ST6GAL1: variants seen among roughly 807,000 people sequenced by gnomAD.
The protein encoded by ST6GAL1 is beta-galactoside alpha-2,6-sialyltransferase 1.
ST6GAL1 carries 20 observed loss-of-function variants against 38.0 expected under a neutral mutation model. That is an observed-to-expected ratio of 0.53 (90% CI 0.37 to 0.77). The LOEUF (loss-of-function observed/expected upper bound fraction) is 0.77. Among genes scored for constraint, ST6GAL1 ranks in the 30% least tolerant of loss-of-function variants. The pLI is 0.00. For synonymous variants in ST6GAL1, 196 were observed against 188.2 expected (o/e 1.04, Z -0.34); for missense variants, 432 against 496.4 (o/e 0.87, Z 1.23).
In ST6GAL1 at chr3:187,043,180, C is replaced by T; in HGVS notation, c.477C>T (p.Pro159=). 6.2e-7 allele frequency: 1 copy of T among 1,614,208 alleles called. No homozygotes were observed. Among genetic ancestry groups the T allele is most frequent in the Non-Finnish European group, 8.5e-7 (1 of 1,180,040 alleles). The change falls in exon 4 of 8, where the codon CCC becomes CCT. Residue 159 remains proline, a synonymous_variant. Coordinates refer to ENST00000169298, the MANE Select transcript of ST6GAL1 (RefSeq NM_173216.2). ...CCATGGTAGAGGTCACAGATTTTCC[C>T]TTCAATACCTCTGAATGGGAGGGTT... The part of the protein sequence containing the change: ...NVSMVEVTDF[P]FNTSEWEGYL...
rs59688792 is a variant in ST6GAL1 at position 187,037,535 on chromosome 3, A to T, written c.-182-1207A>T. ...TTCCTTTGCTATTTTCCTACATCGC[A>T]TCAAAAGAAGAAAGAGCTGACAGGT... On this transcript the variant is annotated intron_variant, in intron 2 of 7. Coordinates refer to ENST00000169298, the MANE Select transcript of ST6GAL1 (RefSeq NM_173216.2). 9.4e-4 allele frequency among the ~76,000 whole-genome samples: 143 copies of T among 152,208 alleles called. 5 individuals are homozygous for T. In the South Asian group the frequency reaches 0.027, roughly 29 times the overall value.
intron 5 of ST6GAL1, among the ~76,000 whole-genome samples, chr3:187,069,275 C>T (rs1473748268): frequency 6.6e-6 from 1 of 152,170 alleles, no homozygotes; most frequent in African/African-American, 2.4e-5. Context: ...GCTGGGATTA[C>T]AGGTGCTTGC....
rs192397401 is a variant in ST6GAL1, at chr3:186,990,280, C to T, written c.-183+26354C>T. 2.0e-3 allele frequency among the ~76,000 whole-genome samples: 308 copies of T among 152,162 alleles called. 1 individual carries two copies. Among genetic ancestry groups the T allele is most frequent in the Non-Finnish European group, 2.9e-3 (195 of 68,000 alleles). On this transcript the variant is annotated intron_variant, in intron 2 of 7. Transcript: ENST00000169298. ...AACTCCTGACCTCAAGTGATCTGCC[C>T]GCCTTGGCCTCCCAAATTGCTGGGA...
intron 2 of ST6GAL1, among the ~76,000 whole-genome samples, chr3:186,965,939 C>A (rs996813585): frequency 6.6e-6 from 1 of 152,174 alleles, no homozygotes; most frequent in African/African-American, 2.4e-5. Flanking sequence ...CGCTCTGTTG[C>A]GCAGGCTGCA....
intron 2 of ST6GAL1, among the ~76,000 whole-genome samples, chr3:186,997,508 C>T (rs1299721504): frequency 6.6e-6 from 1 of 152,108 alleles, no homozygotes; most frequent in Non-Finnish European, 1.5e-5. Context: ...TGCCTCCCAA[C>T]ATTTTGAGAG....
At chr3:186,980,035 C>A (rs12054295) in intron 2 of ST6GAL1, among the ~76,000 whole-genome samples, 1 of 152,052 alleles carries the variant, frequency 6.6e-6, no homozygotes, top group Non-Finnish European at 1.5e-5. Context: ...ATTCCAGATA[C>A]GTAACTGAGG....
intron 2 of ST6GAL1, among the ~76,000 whole-genome samples, chr3:187,004,857 T>G (rs997137376): frequency 3.9e-5 from 6 of 152,224 alleles, no homozygotes; most frequent in Non-Finnish European, 8.8e-5. Context: ...GAAATCATCT[T>G]TCTTTCTTCT....
intron 2 of ST6GAL1, among the ~76,000 whole-genome samples, chr3:186,997,363 G>A (rs1220747080): frequency 1.3e-5 from 2 of 152,146 alleles, no homozygotes; most frequent in Admixed American, 1.3e-4. Flanking sequence ...AATCAGGGCT[G>A]GAGCCCAGTC....
intron 1 of ST6GAL1, among the ~76,000 whole-genome samples, chr3:186,950,615 C>A (rs1026008179): frequency 2.0e-5 from 3 of 152,196 alleles, no homozygotes; most frequent in Non-Finnish European, 2.9e-5. Context: ...CGGTTGTTAT[C>A]AAATTCAGAC....
chr3:187,065,908 A>G (rs924198493), intron 5 of ST6GAL1, among the ~76,000 whole-genome samples: 1 of 152,166 alleles, frequency 6.6e-6, no homozygotes. Context: ...TTACCTCAGA[A>G]CTCAGGCTCC....
intron 1 of ST6GAL1, among the ~76,000 whole-genome samples, chr3:186,958,496 G>A (rs567697626): frequency 3.3e-5 from 5 of 152,072 alleles, no homozygotes; most frequent in South Asian, 2.1e-4. Context: ...CCATATAAGC[G>A]TGCTATTTAG....
chr3:186,994,684 G>A (rs1235323905), intron 2 of ST6GAL1, among the ~76,000 whole-genome samples: 1 of 152,110 alleles, frequency 6.6e-6, no homozygotes, highest in Non-Finnish European at 1.5e-5. Context: ...AGGCCGGGGC[G>A]CAGTGACTCA....
intron 2 of ST6GAL1, among the ~76,000 whole-genome samples, chr3:187,001,553 C>T (rs1490818528): frequency 2.6e-5 from 4 of 152,182 alleles, no homozygotes; most frequent in Admixed American, 2.6e-4. Flanking sequence ...TCAGCTTCAT[C>T]TGTAAAATGG....
In ST6GAL1 at chr3:187,075,826, C is replaced by T; in HGVS notation, c.*23C>T. 2 of 1,611,964 alleles carry T rather than the reference C, an allele frequency of 1.2e-6. No individual in the cohort carries two copies. The highest frequency in any genetic ancestry group is 8.5e-7 in the Non-Finnish European group (1 of 1,178,356). On this transcript the variant is annotated 3_prime_UTR_variant, in exon 8 of 8. Transcript: ENST00000169298. This position sits in a 1 kb window ranked among gnomAD's most constrained non-coding sequence, Gnocchi z 4.1. ...TAAGCACAGGCTCCTCACTCTTCTC[C>T]ATCAGGCATTAAATGAATGGTCTCT...
chr3:187,018,262 TAGG>T (rs1319377943), intron 2 of ST6GAL1, among the ~76,000 whole-genome samples: 1 of 152,156 alleles, frequency 6.6e-6, no homozygotes, highest in Non-Finnish European at 1.5e-5. Flanking sequence ...TTTGCCTAGT[TAGG>T]GGCTGTTGGG....
intron 5 of ST6GAL1, among the ~76,000 whole-genome samples, chr3:187,060,779 G>C (rs1718889993): frequency 6.6e-6 from 1 of 152,196 alleles, no homozygotes; most frequent in Admixed American, 6.5e-5. Context: ...GTTGAAATTA[G>C]AAGTCAGCCC....
chr3:186,964,226 G>A (rs1472327821), intron 2 of ST6GAL1: 1 of 152,172 alleles, frequency 6.6e-6, no homozygotes, highest in Non-Finnish European at 1.5e-5. Context: ...CCGGATTCAG[G>A]TGAATGCTTA....
At chr3:186,965,299 T>G (rs1715067705) in intron 2 of ST6GAL1, among the ~76,000 whole-genome samples, 1 of 152,222 alleles carries the variant, frequency 6.6e-6, no homozygotes, top group Non-Finnish European at 1.5e-5. Flanking sequence ...TGACTCATAA[T>G]CTCTAATGCG....
intron 2 of ST6GAL1, among the ~76,000 whole-genome samples, chr3:186,974,109 G>A (rs980935427): frequency 6.6e-6 from 1 of 152,190 alleles, no homozygotes; most frequent in Admixed American, 6.5e-5. Context: ...TTCATCCTGG[G>A]GTTTGACTCT....
Sources: gnomAD v4.1 joint callset for allele counts (sites outside exome capture counted in the v4.1 genomes callset) on GRCh38, gnomAD v4.1.1 for gene constraint, Gnocchi (gnomAD v3.1) non-coding constraint, MANE v1.5 for transcripts, NCBI Gene and HGNC (gene_info 2026-07-23, HGNC 2026-07-21) for gene names.